The following TMEM181 variants were observed in gnomAD, a reference collection of about 807,000 sequenced individuals.
TMEM181 encodes transmembrane protein 181, also known as G protein-coupled receptor 178.
A neutral mutation model predicts 71.9 loss-of-function variants in TMEM181; 39 were observed. That is an observed-to-expected ratio of 0.54 (90% CI 0.42 to 0.71). The LOEUF (loss-of-function observed/expected upper bound fraction) is 0.71, where lower values mean the gene tolerates loss of function less well. Among genes scored for constraint, TMEM181 ranks in the 30% least tolerant of loss-of-function variants. The probability of loss-of-function intolerance (pLI) is 0.00; values close to 1 mark genes in which losing one functional copy is unlikely to be tolerated. For synonymous variants in TMEM181, 245 were observed against 228.8 expected, an observed-to-expected ratio of 1.07 and a Z score of -0.64; for missense variants, 595 against 583.0, an observed-to-expected ratio of 1.02 and a Z score of -0.21.
chr6:158,597,017 G>A (rs117226659), intron 6 of TMEM181, among the ~76,000 whole-genome samples: 133 of 152,292 alleles, frequency 8.7e-4, no homozygotes, highest in Non-Finnish European at 1.7e-3. Context: ...TGCACCCAGC[G>A]TGTTCAGATG....
intron 1 of TMEM181, among the ~76,000 whole-genome samples, chr6:158,543,788 G>A (rs1024520019): frequency 6.6e-6 from 1 of 152,198 alleles, no homozygotes; most frequent in Admixed American, 6.5e-5. Context: ...ACGTTCACAG[G>A]CACTGGGGGT....
At chr6:158,587,915 C>A (rs922674296) in intron 5 of TMEM181, among the ~76,000 whole-genome samples, 1 of 152,168 alleles carries the variant, frequency 6.6e-6, no homozygotes, top group Non-Finnish European at 1.5e-5. Flanking sequence ...TTTGTCTACC[C>A]AGCAAAAATG....
intron 6 of TMEM181, among the ~76,000 whole-genome samples, chr6:158,595,392 G>A (rs1171849697): frequency 6.6e-6 from 1 of 152,232 alleles, no homozygotes; most frequent in African/African-American, 2.4e-5. Flanking sequence ...AAGCTGGCAA[G>A]GATGTGGGGC....
chr6:158,609,013 G>A (rs943788348), intron 10 of TMEM181, among the ~76,000 whole-genome samples: 2 of 151,638 alleles, frequency 1.3e-5, no homozygotes, highest in Admixed American at 6.6e-5. Context: ...TGGGAGGATC[G>A]CTTGAGCCTG....
chr6:158,536,728 G>A, exon 1 of TMEM181: 1 of 1,568,946 alleles, frequency 6.4e-7, no homozygotes, highest in South Asian at 1.1e-5. Context: ...CCGGGAGGCT[G>A]CGCGGCATGG....
chr6:158,630,996 C>G lies in TMEM181; in HGVS notation c.1283-327C>G, dbSNP rs1478988246. ...CTGGGCGGGGGCAGGCAGGGCAGAG[C>G]CACCTCTCCTGGGGCCTATGTTCAG... is the stretch of plus-strand genomic sequence containing the variant. On this transcript the variant is annotated intron_variant, in intron 15 of 16. Transcript: ENST00000684151. 2.0e-5 allele frequency among the ~76,000 whole-genome samples: 3 copies of G among 152,362 alleles called. No homozygotes were observed. In the East Asian group the frequency reaches 5.8e-4, roughly 29 times the overall value.
chr6:158,548,171 A>G (rs1487572846), intron 1 of TMEM181, among the ~76,000 whole-genome samples: 1 of 152,156 alleles, frequency 6.6e-6, no homozygotes, highest in Non-Finnish European at 1.5e-5. Flanking sequence ...GTTTCCGAAC[A>G]CAGTAGTTTG....
chr6:158,587,868 T>C (rs538955459), intron 5 of TMEM181, among the ~76,000 whole-genome samples: 3 of 152,288 alleles, frequency 2.0e-5, no homozygotes, highest in African/African-American at 7.2e-5. Flanking sequence ...AAAACATCCC[T>C]GAAAAGTGAG....
intron 1 of TMEM181, among the ~76,000 whole-genome samples, chr6:158,548,066 C>T (rs1781594652): frequency 6.6e-6 from 1 of 152,130 alleles, no homozygotes; most frequent in African/African-American, 2.4e-5. Context: ...ACAGGCCTGG[C>T]TCCCCAGGGC....
At chr6:158,628,597 G>A (rs1415781658) in intron 14 of TMEM181, 107 bp downstream of exon 14, 8 of 957,232 alleles carry the variant, frequency 8.4e-6, no homozygotes, top group East Asian at 5.2e-5. Context: ...AGCTCCTCGC[G>A]CCCTGTTCTC....
chr6:158,611,625 C>A, intron 10 of TMEM181: 1 of 339,558 alleles, frequency 2.9e-6, no homozygotes, highest in South Asian at 2.5e-5. Context: ...AGGGGTTCCC[C>A]CTGACGAAAG....
chr6:158,622,359 A>G (rs1408131954), intron 10 of TMEM181, among the ~76,000 whole-genome samples: 1 of 152,176 alleles, frequency 6.6e-6, no homozygotes. Context: ...GGAATGGTGT[A>G]GGCATTGTGA....
chr6:158,603,040 T>G (rs1375153869), intron 6 of TMEM181, among the ~76,000 whole-genome samples: 2 of 152,204 alleles, frequency 1.3e-5, no homozygotes, highest in Non-Finnish European at 2.9e-5. Context: ...TCACGGTGCT[T>G]CTTGTACTTT....
chr6:158,622,894 C>T (rs967039050), intron 10 of TMEM181, among the ~76,000 whole-genome samples: 1 of 152,236 alleles, frequency 6.6e-6, no homozygotes, highest in Non-Finnish European at 1.5e-5. Context: ...TGTCCACACA[C>T]TTTCAAGCCC....
At chr6:158,536,940 C>T (rs1240590861) in intron 1 of TMEM181, 4 of 1,161,534 alleles carry the variant, frequency 3.4e-6, no homozygotes, top group East Asian at 7.2e-5. Context: ...CCCGGCGCGC[C>T]CCGGCCTTGG....
At chr6:158,613,626 G>T (rs1340438089) in intron 10 of TMEM181, among the ~76,000 whole-genome samples, 1 of 152,112 alleles carries the variant, frequency 6.6e-6, no homozygotes, top group African/African-American at 2.4e-5. Context: ...GGGCTTTCTT[G>T]GCTTCCTAAG....
chr6:158,605,453 CAG>C (rs1784902606), intron 7 of TMEM181, 106 bp downstream of exon 7: 4 of 1,013,258 alleles, frequency 3.9e-6, no homozygotes, highest in Non-Finnish European at 6.2e-6. Flanking sequence ...GATCTGAACT[CAG>C]ATGCTCCATC....
At chr6:158,583,916 A>G in intron 3 of TMEM181, 38 bp from the exon 4 acceptor site, 1 of 1,515,134 alleles carries the variant, frequency 6.6e-7, no homozygotes, top group South Asian at 1.2e-5. Context: ...AGACTCAATG[A>G]AAAGGTCACA....
chr6:158,599,767 G>C (rs1784568725), intron 6 of TMEM181, among the ~76,000 whole-genome samples: 1 of 152,236 alleles, frequency 6.6e-6, no homozygotes, highest in African/African-American at 2.4e-5. Flanking sequence ...GAGGGGCCAG[G>C]GCCCTACTCT....
Sources: allele counts gnomAD v4.1 joint callset (sites outside exome capture counted in the v4.1 genomes callset), GRCh38; gene constraint gnomAD v4.1.1; transcripts MANE v1.5; gene names NCBI Gene and HGNC (gene_info 2026-07-23, HGNC 2026-07-21).